The following PTPN4 variants were observed in gnomAD, a reference collection of about 807,000 sequenced individuals.
The protein encoded by PTPN4 is tyrosine-protein phosphatase non-receptor type 4.
Under a neutral mutation model 135.5 loss-of-function variants are expected in PTPN4, and 49 were observed. The ratio of observed to expected loss-of-function variants is 0.36; its 90% CI spans 0.29 to 0.46. PTPN4 has a LOEUF of 0.46. PTPN4 is among the 20% of genes least tolerant of loss of function. The pLI, the probability that PTPN4 is intolerant of heterozygous loss-of-function variation, is 1.00. For missense variants in PTPN4, 860 were observed against 1,101.0 expected (o/e 0.78, Z 3.10); for synonymous variants, 333 against 369.9 (o/e 0.90, Z 1.14).
chr2:119,899,555 A>G (rs1004620453), intron 9 of PTPN4, among the ~76,000 whole-genome samples: 1 of 152,098 alleles, frequency 6.6e-6, no homozygotes, highest in Non-Finnish European at 1.5e-5. Flanking sequence ...GTTTTTAAGT[A>G]TTACAGATTC....
chr2:119,795,309 A>T (rs1046949739), intron 1 of PTPN4, among the ~76,000 whole-genome samples: 3 of 152,234 alleles, frequency 2.0e-5, no homozygotes, highest in South Asian at 4.1e-4. Context: ...GTGGGGCTTT[A>T]CCGGGGACCT....
At chr2:119,765,881 G>T (rs1420796189) in intron 1 of PTPN4, among the ~76,000 whole-genome samples, 1 of 151,292 alleles carries the variant, frequency 6.6e-6, no homozygotes, top group African/African-American at 2.4e-5. Flanking sequence ...TCTCTGTCTG[G>T]GTGGGTGTGG....
At chr2:119,875,126 A>G (rs933916807) in intron 3 of PTPN4, among the ~76,000 whole-genome samples, 1 of 152,014 alleles carries the variant, frequency 6.6e-6, no homozygotes, top group Non-Finnish European at 1.5e-5. Flanking sequence ...TTTCTTATTG[A>G]TGTGTAGAAC....
chr2:119,763,446 C>CT (rs1196631661), intron 1 of PTPN4, among the ~76,000 whole-genome samples: 1 of 152,046 alleles, frequency 6.6e-6, no homozygotes, highest in African/African-American at 2.4e-5. Context: ...GTATAAGGGG[C>CT]TTTTCATGTT....
intron 10 of PTPN4, among the ~76,000 whole-genome samples, chr2:119,911,990 A>G (rs1235424764): frequency 9.9e-5 from 15 of 152,214 alleles, no homozygotes. Context: ...GTTCAAAGTG[A>G]CTTTATTTGT....
At chr2:119,895,948 A>G (rs1309788488) in intron 9 of PTPN4, among the ~76,000 whole-genome samples, 1 of 151,776 alleles carries the variant, frequency 6.6e-6, no homozygotes, top group South Asian at 2.1e-4. Flanking sequence ...ATAGCGGTCT[A>G]TACACCACAA....
At chr2:119,882,012 C>T in intron 6 of PTPN4, 85 bp from the exon 7 acceptor site, 1 of 1,290,402 alleles carries the variant, frequency 7.7e-7, no homozygotes, top group Non-Finnish European at 1.1e-6. Flanking sequence ...CATGAAACTT[C>T]AAGTGTGATT....
intron 10 of PTPN4, among the ~76,000 whole-genome samples, chr2:119,905,893 T>TA (rs569944499): frequency 7.9e-5 from 12 of 151,614 alleles, no homozygotes; most frequent in African/African-American, 2.9e-4. Context: ...AAGGCAGAAA[T>TA]AAAAAAAATT....
intron 2 of PTPN4, among the ~76,000 whole-genome samples, chr2:119,851,020 G>GT (rs1298452160): frequency 6.6e-6 from 1 of 152,168 alleles, no homozygotes; most frequent in Non-Finnish European, 1.5e-5. Context: ...GTCTTTTTCT[G>GT]TTTAAGTATC....
At chr2:119,844,305 C>T (rs1463038078) in intron 2 of PTPN4, among the ~76,000 whole-genome samples, 5 of 135,684 alleles carry the variant, frequency 3.7e-5, no homozygotes, top group Non-Finnish European at 4.9e-5. Flanking sequence ...CCCTCCCGGA[C>T]GGGGCGGCTG....
intron 18 of PTPN4, among the ~76,000 whole-genome samples, chr2:119,950,735 T>G (rs1408777009): frequency 6.6e-6 from 1 of 152,224 alleles, no homozygotes; most frequent in Non-Finnish European, 1.5e-5. Context: ...TTTTCATTGC[T>G]ATGTTCCCAG....
At chr2:119,963,638 G>GA (rs1166562097) in intron 24 of PTPN4, among the ~76,000 whole-genome samples, 1 of 152,198 alleles carries the variant, frequency 6.6e-6, no homozygotes, top group Non-Finnish European at 1.5e-5. Context: ...CTGATTTATA[G>GA]AAAAGGAATC....
chr2:119,793,914 G>A (rs986488057), intron 1 of PTPN4, among the ~76,000 whole-genome samples: 1 of 129,332 alleles, frequency 7.7e-6, no homozygotes, highest in African/African-American at 3.0e-5. Flanking sequence ...GGAGTGCAGT[G>A]GCTTAATCAT....
intron 2 of PTPN4, among the ~76,000 whole-genome samples, chr2:119,816,222 G>GTT (rs1676983920): frequency 6.6e-6 from 1 of 152,100 alleles, no homozygotes. Flanking sequence ...ATATCTAAAT[G>GTT]TATCTAAACA....
At position 119,812,323 on chromosome 2, in the gene PTPN4, C is replaced by T. The variant is rs572219355; in HGVS notation, c.138+2332C>T. ...CTTTGTGGGCAGCTGCCAGGTTCAC[C>T]AGCATTTCTCTGTTCACCAAGAAGG... On this transcript the variant is annotated intron_variant, in intron 2 of 26. Coordinates refer to ENST00000263708, the MANE Select transcript of PTPN4 (RefSeq NM_002830.4). Among the ~76,000 whole-genome samples the T allele has an allele frequency of 4.6e-5, 7 of 152,274 alleles. No individual in the cohort carries two copies. The South Asian group carries it at 1.5e-3, about 32-fold the overall frequency.
intron 2 of PTPN4, among the ~76,000 whole-genome samples, chr2:119,818,134 C>T (rs1677015201): frequency 6.6e-6 from 1 of 152,194 alleles, no homozygotes; most frequent in Non-Finnish European, 1.5e-5. Flanking sequence ...TCCTCTCTTC[C>T]TATTTGGATA....
chr2:119,973,668 T>TTG (rs1679571366), intron 26 of PTPN4, among the ~76,000 whole-genome samples: 2 of 138,660 alleles, frequency 1.4e-5, no homozygotes, highest in African/African-American at 2.8e-5. Context: ...TTTTTTTTTT[T>TTG]TTTTTTTTTT....
At chr2:119,928,680 A>G (rs772918562) in intron 13 of PTPN4, among the ~76,000 whole-genome samples, 1 of 152,146 alleles carries the variant, frequency 6.6e-6, no homozygotes, top group African/African-American at 2.4e-5. Context: ...TAAAAAACGA[A>G]TAACATTTCT....
intron 23 of PTPN4, 92 bp downstream of exon 23, chr2:119,961,045 T>A: frequency 2.2e-6 from 3 of 1,357,086 alleles, no homozygotes; most frequent in Non-Finnish European, 3.0e-6. Context: ...ATTTAAGCCT[T>A]TGTAACCTTT....
Sources: gnomAD v4.1 joint callset for allele counts (sites outside exome capture counted in the v4.1 genomes callset) on GRCh38, gnomAD v4.1.1 for gene constraint, MANE v1.5 for transcripts, NCBI Gene and HGNC (gene_info 2026-07-23, HGNC 2026-07-21) for gene names.